SYCP1: variants seen among roughly 807,000 people sequenced by gnomAD.
The protein encoded by SYCP1 is synaptonemal complex protein 1, also known as cancer/testis antigen 8.
A neutral mutation model predicts 153.1 loss-of-function variants in SYCP1; 64 were observed. The observed-to-expected ratio is 0.42, with a 90% CI of 0.34 to 0.51. The LOEUF is 0.51. Among genes scored for constraint, SYCP1 ranks in the 20% least tolerant of loss-of-function variants. The pLI, the probability that SYCP1 is intolerant of heterozygous loss-of-function variation, is 0.06. For missense variants in SYCP1, 997 were observed against 1,049.0 expected (o/e 0.95, Z 0.68); for synonymous variants, 384 against 341.8 (o/e 1.12, Z -1.36).
chr1:114,952,185 A>C (rs1671151171), intron 27 of SYCP1, among the ~76,000 whole-genome samples: 1 of 152,192 alleles, frequency 6.6e-6, no homozygotes, highest in Non-Finnish European at 1.5e-5. Flanking sequence ...CTAAGAATAC[A>C]ATTGCTAAAT....
chr1:114,910,362 T>G lies in SYCP1; in HGVS notation c.1321-35T>G, dbSNP rs1029381355. On this transcript the variant is annotated intron_variant, in intron 16 of 31. Transcript: ENST00000369522. ...TTGATTACTTTCACTATGTGTATGG[T>G]TTGGCATTCCTGATTTGTTAATGTT... The G allele has an allele frequency of 3.5e-6, 5 of 1,439,148 alleles. No individual in the cohort carries two copies. The African/African-American group carries it at 4.3e-5, about 12-fold the overall frequency. 89.1% of individuals were successfully genotyped at this position (1,439,148 alleles called of 1,614,324 possible).
At chr1:114,979,359 C>A (rs116261446) in intron 28 of SYCP1, among the ~76,000 whole-genome samples, 1,799 of 151,602 alleles carry the variant, frequency 0.012, 22 homozygotes, top group Non-Finnish European at 0.017. Context: ...ATAGCACATG[C>A]CTTATAAATG....
At chr1:114,937,374 T>C (rs1670088284) in intron 23 of SYCP1, among the ~76,000 whole-genome samples, 2 of 152,030 alleles carry the variant, frequency 1.3e-5, no homozygotes, top group Admixed American at 6.6e-5. Flanking sequence ...CCCTTCCTTA[T>C]ACCTTATACA....
chr1:114,953,518 T>C (rs966439719), intron 27 of SYCP1, among the ~76,000 whole-genome samples: 1 of 152,238 alleles, frequency 6.6e-6, no homozygotes, highest in East Asian at 1.9e-4. Flanking sequence ...GTTTTTTGCC[T>C]ATGGATCTCA....
chr1:114,871,390 A>T (rs955489160), intron 8 of SYCP1, among the ~76,000 whole-genome samples: 1 of 149,644 alleles, frequency 6.7e-6, no homozygotes, highest in Non-Finnish European at 1.5e-5. Context: ...CTGGTCTTGA[A>T]CTCTTGACCT....
intron 14 of SYCP1, among the ~76,000 whole-genome samples, chr1:114,886,532 C>T (rs930154862): frequency 6.6e-6 from 1 of 152,032 alleles, no homozygotes; most frequent in Non-Finnish European, 1.5e-5. Flanking sequence ...GGATAGTTCT[C>T]ATGTATGCTT....
chr1:114,959,467 G>A (rs1052208164), intron 27 of SYCP1, among the ~76,000 whole-genome samples: 3 of 152,108 alleles, frequency 2.0e-5, no homozygotes, highest in African/African-American at 4.8e-5. Context: ...CATTGTAGGT[G>A]TGTATATTTA....
intron 23 of SYCP1, among the ~76,000 whole-genome samples, chr1:114,928,411 C>T (rs191007147): frequency 6.6e-6 from 1 of 152,160 alleles, no homozygotes; most frequent in East Asian, 1.9e-4. Context: ...CAAAAATAAA[C>T]CATCAACCCA....
chr1:114,933,304 G>C (rs1669762314), intron 23 of SYCP1, among the ~76,000 whole-genome samples: 1 of 152,186 alleles, frequency 6.6e-6, no homozygotes, highest in Admixed American at 6.5e-5. Context: ...TGGACCTCCA[G>C]CAAACTCCAA....
Position 114,887,638 on chromosome 1 carries a change from T to C in SYCP1, c.1203T>C (p.Asn401=). 2 of 1,560,614 alleles carry C rather than the reference T, an allele frequency of 1.3e-6. No individual in the cohort carries two copies. The highest frequency in any genetic ancestry group is 1.7e-6 in the Non-Finnish European group (2 of 1,149,684). ...LRTEQQRLEK[N]EDQLKILTME... ...TATATTTTACAAGATTGGAAAAAAA[T>C]GAAGATCAATTGAAAATACTTACCA... The change falls in exon 15 of 32, where the codon AAT becomes AAC. Residue 401 remains asparagine (N), a synonymous_variant. Coordinates refer to ENST00000369522, the MANE Select transcript of SYCP1 (RefSeq NM_003176.4).
chr1:114,947,049 C>CA (rs1300223928), intron 26 of SYCP1, among the ~76,000 whole-genome samples, 197 bp from the exon 27 acceptor site: 1 of 152,050 alleles, frequency 6.6e-6, no homozygotes, highest in Non-Finnish European at 1.5e-5. Flanking sequence ...GCACCCAGCC[C>CA]AAAAACTTGT....
At chr1:114,957,105 C>T (rs895338073) in intron 27 of SYCP1, among the ~76,000 whole-genome samples, 2 of 149,858 alleles carry the variant, frequency 1.3e-5, no homozygotes, top group African/African-American at 4.9e-5. Flanking sequence ...CTCTCTCTTG[C>T]CCAGGATGAA....
At position 114,855,481 on chromosome 1, in the gene SYCP1, C is replaced by A; in HGVS notation, c.17C>A (p.Pro6His). The A allele has an allele frequency of 6.2e-7, 1 of 1,600,434 alleles. No homozygotes were observed. Among genetic ancestry groups the A allele is most frequent in the Non-Finnish European group, 8.5e-7 (1 of 1,173,332 alleles). Residue 6 changes from proline to histidine, a missense_variant, in exon 2 of 32, where the codon CCC becomes CAC. Coordinates refer to ENST00000369522, the MANE Select transcript of SYCP1 (RefSeq NM_003176.4). The stretch of plus-strand genomic sequence containing the variant: ...ACAGAGAAAATGGAAAAGCAAAAGC[C>A]CTTTGCATTGTTCGTACCACCGAGA... Reference protein sequence around the residue: MEKQKPFALFVPPRSS... With the variant: MEKQKHFALFVPPRSS...
rs115604702 is a variant in SYCP1 at position 114,990,016 on chromosome 1, A to G, written c.2704-4682A>G. ...AGCTAATTAGGTCTAACAGACATGT[A>G]TAACATTCTACCCAACAACAACAGC... is the stretch of plus-strand genomic sequence containing the variant. On this transcript the variant is annotated intron_variant, in intron 30 of 31. Transcript: ENST00000369522. 6.6e-3 allele frequency among the ~76,000 whole-genome samples: 1,005 copies of G among 152,054 alleles called. 15 individuals are homozygous for G. The highest frequency in any genetic ancestry group is 0.023 in the African/African-American group (942 of 41,536).
intron 14 of SYCP1, among the ~76,000 whole-genome samples, chr1:114,886,979 A>G (rs1374781625): frequency 6.6e-6 from 1 of 152,008 alleles, no homozygotes; most frequent in Non-Finnish European, 1.5e-5. Context: ...TTTTTGTCTC[A>G]TTAGCATTAG....
intron 19 of SYCP1, 41 bp downstream of exon 19, chr1:114,913,191 C>T (rs780614573): frequency 6.6e-7 from 1 of 1,506,604 alleles, no homozygotes; most frequent in South Asian, 1.1e-5. Context: ...AGTTTTCTTC[C>T]AATTAGCAGG....
chr1:114,920,330 G>A (rs1373259009), intron 20 of SYCP1, among the ~76,000 whole-genome samples: 4 of 151,844 alleles, frequency 2.6e-5, no homozygotes, highest in Non-Finnish European at 4.4e-5. Context: ...CAATTTCATT[G>A]TAGTCAGAGT....
At chr1:114,870,638 T>A (rs1665050289) in intron 8 of SYCP1, among the ~76,000 whole-genome samples, 1 of 152,212 alleles carries the variant, frequency 6.6e-6, no homozygotes, top group African/African-American at 2.4e-5. Context: ...CTCTTGACAT[T>A]CTCTTTTGTA....
intron 27 of SYCP1, among the ~76,000 whole-genome samples, chr1:114,973,716 T>G (rs1396919452): frequency 3.3e-5 from 5 of 152,000 alleles, no homozygotes; most frequent in Non-Finnish European, 5.9e-5. Context: ...GTCTTGCTTT[T>G]TTGTTGTTGT....
Sources: gnomAD v4.1 joint callset for allele counts (sites outside exome capture counted in the v4.1 genomes callset) on GRCh38, gnomAD v4.1.1 for gene constraint, MANE v1.5 for transcripts, NCBI Gene and HGNC (gene_info 2026-07-23, HGNC 2026-07-21) for gene names.